The following CHST11 variants were observed in gnomAD, a reference collection of about 807,000 sequenced individuals.
CHST11 encodes C4S-1.
In CHST11, 9 loss-of-function variants were observed where a neutral mutation model predicts 30.4. The observed-to-expected ratio is 0.30, with a 90% CI of 0.18 to 0.52. CHST11 has a LOEUF of 0.52. Among genes scored for constraint, CHST11 ranks in the 20% least tolerant of loss-of-function variants. The pLI is 0.97. For synonymous variants in CHST11, 152 were observed against 187.8 expected (o/e 0.81, Z 1.56); for missense variants, 348 against 460.6 (o/e 0.76, Z 2.24).
At chr12:104,670,540 TACACAC>T (rs767267998) in intron 2 of CHST11, among the ~76,000 whole-genome samples, 1 of 145,836 alleles carries the variant, frequency 6.9e-6, no homozygotes, top group Non-Finnish European at 1.5e-5. Flanking sequence ...CACTCACACT[TACACAC>T]ACACTCCCAC....
At chr12:104,507,130 G>A (rs754765088) in intron 1 of CHST11, among the ~76,000 whole-genome samples, 1 of 152,182 alleles carries the variant, frequency 6.6e-6, no homozygotes, top group Non-Finnish European at 1.5e-5. Context: ...TCAGTGCAGG[G>A]ACAGGTGGGG....
chr12:104,574,918 G>C (rs1344720844), intron 1 of CHST11, among the ~76,000 whole-genome samples: 2 of 151,862 alleles, frequency 1.3e-5, no homozygotes, highest in African/African-American at 2.4e-5. Context: ...GAGGCCGGGC[G>C]TGGTGACTCA....
rs79132284 is a variant in CHST11 at position 104,705,114 on chromosome 12, C to G, written c.205-51835C>G. On this transcript the variant is annotated intron_variant, in intron 2 of 2. Transcript: ENST00000303694. Reference sequence around the variant, plus strand: ...CTCTGCTGATTAATAACAGCACCTTCACACTTTCTTTAGGCAAAATGTGGA... The same window carrying G: ...CTCTGCTGATTAATAACAGCACCTTGACACTTTCTTTAGGCAAAATGTGGA... Among the ~76,000 whole-genome samples the G allele has an allele frequency of 1.5e-3, 229 of 152,326 alleles. 5 individuals are homozygous for G. In the East Asian group the frequency reaches 0.035, roughly 23 times the overall value.
chr12:104,528,300 T>C (rs74509589), intron 1 of CHST11, among the ~76,000 whole-genome samples: 15,157 of 152,240 alleles, frequency 0.1, 797 homozygotes, highest in African/African-American at 0.12. Flanking sequence ...GGAGATGGCA[T>C]AGCCCAGCTG....
intron 2 of CHST11, among the ~76,000 whole-genome samples, chr12:104,742,045 G>A (rs78666425): frequency 2.5e-3 from 378 of 152,314 alleles, no homozygotes; most frequent in African/African-American, 8.8e-3. Context: ...GTTTACAGTA[G>A]CTACTTCCTG....
chr12:104,671,637 A>G (rs2039698484), intron 2 of CHST11, among the ~76,000 whole-genome samples: 1 of 152,212 alleles, frequency 6.6e-6, no homozygotes, highest in South Asian at 2.1e-4. Context: ...GCCACTGTTT[A>G]AAGTGAGGTG....
chr12:104,572,825 T>C (rs549958931), intron 1 of CHST11, among the ~76,000 whole-genome samples: 10 of 152,330 alleles, frequency 6.6e-5, no homozygotes, highest in Non-Finnish European at 1.5e-4. Flanking sequence ...GTTTTAGATC[T>C]TTATTGCTAT....
chr12:104,624,058 G>A lies in CHST11; in HGVS notation c.204+22067G>A, dbSNP rs549264448. Reference sequence around the variant, plus strand: ...AGTGAAGCCTGCAGCCTTGATGGAGGGAAGGTATGTGGAAAATGAATTGCT... The same window carrying A: ...AGTGAAGCCTGCAGCCTTGATGGAGAGAAGGTATGTGGAAAATGAATTGCT... On this transcript the variant is annotated intron_variant, in intron 2 of 2. Coordinates refer to ENST00000303694, the MANE Select transcript of CHST11 (RefSeq NM_018413.6). Among the ~76,000 whole-genome samples, 12 of 152,266 alleles carry A rather than the reference G, an allele frequency of 7.9e-5. No homozygotes were observed. The South Asian group carries it at 2.1e-3, about 26-fold the overall frequency.
intron 1 of CHST11, among the ~76,000 whole-genome samples, chr12:104,470,762 A>G (rs1354539597): frequency 6.6e-6 from 1 of 152,192 alleles, no homozygotes; most frequent in African/African-American, 2.4e-5. Context: ...TAGAGAGGTG[A>G]AGGAGCCTGC....
chr12:104,709,100 C>A (rs750003188), intron 2 of CHST11, among the ~76,000 whole-genome samples: 2 of 152,182 alleles, frequency 1.3e-5, no homozygotes, highest in African/African-American at 4.8e-5. Context: ...GCCTTCAGAG[C>A]AAGACAAAGC....
chr12:104,558,619 A>G (rs1424500939), intron 1 of CHST11, among the ~76,000 whole-genome samples: 2 of 133,940 alleles, frequency 1.5e-5, no homozygotes, highest in Non-Finnish European at 3.1e-5. Flanking sequence ...GGCCACTGCA[A>G]CCTCCACCTC....
intron 2 of CHST11, among the ~76,000 whole-genome samples, chr12:104,697,887 A>G (rs1487107237): frequency 6.6e-6 from 1 of 152,102 alleles, no homozygotes; most frequent in African/African-American, 2.4e-5. Flanking sequence ...AGCCTTTGCC[A>G]AGTAAAGGGC....
intron 2 of CHST11, among the ~76,000 whole-genome samples, chr12:104,756,707 C>G (rs1299913048): frequency 6.6e-6 from 1 of 152,016 alleles, no homozygotes; most frequent in Non-Finnish European, 1.5e-5. Context: ...GCCACCATGC[C>G]TTCCTAATTT....
intron 1 of CHST11, among the ~76,000 whole-genome samples, chr12:104,586,075 A>G (rs761170360): frequency 6.6e-6 from 1 of 152,148 alleles, no homozygotes; most frequent in Non-Finnish European, 1.5e-5. Flanking sequence ...GACACTGTGC[A>G]ATCCACTATA....
rs182239315 is a variant in CHST11, at chr12:104,709,398, C to A, written c.205-47551C>A. Among the ~76,000 whole-genome samples the A allele has an allele frequency of 4.1e-3, 618 of 152,344 alleles. 10 individuals carry two copies. Among genetic ancestry groups the A allele is most frequent in the African/African-American group, 0.014 (588 of 41,588 alleles). ...GGAAAGCCAAAAGGCAGACGTGGCC[C>A]TCACAGGCTGTCGTCCGGTAGAGGG... On this transcript the variant is annotated intron_variant, in intron 2 of 2. Coordinates refer to ENST00000303694, the MANE Select transcript of CHST11 (RefSeq NM_018413.6).
At chr12:104,637,146 T>TA (rs1228677688) in intron 2 of CHST11, among the ~76,000 whole-genome samples, 14 of 150,484 alleles carry the variant, frequency 9.3e-5, no homozygotes, top group East Asian at 3.9e-4. Context: ...CTACTAAAAA[T>TA]ACAAAAAAAT....
Position 104,759,847 on chromosome 12 carries a change from A to C in CHST11, c.*2044A>C, listed in dbSNP as rs188212771. ...ACCTTGGCTGTCCCTGGAATTGAGA[A>C]TCTGGACCTTATTTCCAGGCAGAGA... On this transcript the variant is annotated 3_prime_UTR_variant, in exon 3 of 3. Transcript: ENST00000303694. 6 of 152,316 alleles carry C rather than the reference A, an allele frequency of 3.9e-5. No homozygotes were observed. The highest frequency in any genetic ancestry group is 3.9e-4 in the Admixed American group (6 of 15,296). 9.4% of individuals were successfully genotyped at this position (152,316 alleles called of 1,614,324 possible). A position where few individuals can be genotyped will look rare whatever the true frequency, so the allele number is the denominator to read the frequency against.
chr12:104,706,843 G>T (rs2136117537), intron 2 of CHST11, among the ~76,000 whole-genome samples: 1 of 152,288 alleles, frequency 6.6e-6, no homozygotes, highest in Middle Eastern at 3.4e-3. Flanking sequence ...CTGTAGAGCT[G>T]CCACATTTTA....
chr12:104,600,861 T>C lies in CHST11; in HGVS notation c.119-1045T>C, dbSNP rs1483165582. Among the ~76,000 whole-genome samples the C allele has an allele frequency of 2.0e-5, 3 of 150,940 alleles. No homozygotes were observed. The highest frequency in any genetic ancestry group is 3.0e-5 in the Non-Finnish European group (2 of 67,778). ...CCCCCATCTCTCTTTTTTCCCTCTC[T>C]CCTTCTTTCCTTTCTTCCTTCCCTC... On this transcript the variant is annotated intron_variant, in intron 1 of 2. Transcript: ENST00000303694. This position sits in a 1 kb window ranked among gnomAD's most constrained non-coding sequence, Gnocchi z 4.1.
Sources: gnomAD v4.1 joint callset for allele counts (sites outside exome capture counted in the v4.1 genomes callset) on GRCh38, gnomAD v4.1.1 for gene constraint, Gnocchi (gnomAD v3.1) non-coding constraint, MANE v1.5 for transcripts, NCBI Gene and HGNC (gene_info 2026-07-23, HGNC 2026-07-21) for gene names.